WDR4: variants seen among roughly 807,000 people sequenced by gnomAD.
The protein encoded by WDR4 is tRNA (guanine-N(7)-)-methyltransferase non-catalytic subunit WDR4.
A neutral mutation model predicts 48.6 loss-of-function variants in WDR4; 47 were observed. The ratio of observed to expected loss-of-function variants is 0.97; its 90% CI spans 0.77 to 1.23. WDR4 has a LOEUF of 1.23. Among genes scored for constraint, WDR4 ranks in the 50% most tolerant of loss-of-function variants. The pLI, the probability that WDR4 is intolerant of heterozygous loss-of-function variation, is 0.00. For synonymous variants in WDR4, 268 were observed against 230.0 expected, an observed-to-expected ratio of 1.17 and a Z score of -1.49; for missense variants, 606 against 551.6, an observed-to-expected ratio of 1.10 and a Z score of -0.99.
rs1355649869 is a variant in WDR4, at chr21:42,849,709, T to G, written c.*340A>C. ...GCCCACAGATGCTCCTAGAGGAAGA[T>G]GCAGCGGACACGAAGGGCGGTATGA... is the stretch of plus-strand genomic sequence containing the variant. On this transcript the variant is annotated 3_prime_UTR_variant, in exon 11 of 11. Coordinates refer to ENST00000398208, the MANE Select transcript of WDR4 (RefSeq NM_018669.6). The G allele has an allele frequency of 1.3e-5, 3 of 229,992 alleles. No individual in the cohort carries two copies. Among genetic ancestry groups the G allele is most frequent in the Non-Finnish European group, 1.7e-5 (2 of 117,754 alleles). 14.2% of individuals were successfully genotyped at this position (229,992 alleles called of 1,614,324 possible). A position where few individuals can be genotyped will look rare whatever the true frequency, so the allele number is the denominator to read the frequency against.
At position 42,879,396 on chromosome 21, in the gene WDR4, G is replaced by A. The variant is rs755482965; in HGVS notation, c.89+11C>T. ...CCTGGTCTCCCTGTTCCAAGACCAA[G>A]GCCCCCTCACCTGCTTGCTATGGAG... On this transcript the variant is annotated intron_variant, in intron 1 of 10. Transcript: ENST00000398208. The A allele has an allele frequency of 1.2e-6, 2 of 1,612,978 alleles. No homozygotes were observed. Among genetic ancestry groups the A allele is most frequent in the South Asian group, 2.2e-5 (2 of 91,028 alleles).
At chr21:42,869,333 C>T (rs2058317157) in intron 3 of WDR4, among the ~76,000 whole-genome samples, 2 of 152,216 alleles carry the variant, frequency 1.3e-5, no homozygotes, top group African/African-American at 4.8e-5. Flanking sequence ...CATAGCTGAA[C>T]GGGAACCCAC....
chr21:42,852,928 A>AG (rs2057874065), intron 9 of WDR4, among the ~76,000 whole-genome samples: 1 of 151,732 alleles, frequency 6.6e-6, no homozygotes, highest in Non-Finnish European at 1.5e-5. Flanking sequence ...AAAAAAAAAA[A>AG]AAGTGCTTCC....
At chr21:42,848,418 C>T (rs1423224577), downstream of WDR4, among the ~76,000 whole-genome samples, 1 of 140,306 alleles carries the variant, frequency 7.1e-6, no homozygotes, top group Non-Finnish European at 1.5e-5. Flanking sequence ...GCGCACCTCA[C>T]TCACACAGCG....
At position 42,857,980 on chromosome 21, in the gene WDR4, A is replaced by T. The variant is rs555339558; in HGVS notation, c.627+1682T>A. Among the ~76,000 whole-genome samples the T allele has an allele frequency of 3.3e-5, 5 of 152,156 alleles. 1 individual carries two copies. Among genetic ancestry groups the T allele is most frequent in the African/African-American group, 1.2e-4 (5 of 41,530 alleles). ...GTGGTGTGTGCCTGTAATACTAGCTACTCGGGAGGCCTGAGGTGGGAGGAT... is the reference window on the plus strand; with the variant it reads ...GTGGTGTGTGCCTGTAATACTAGCTTCTCGGGAGGCCTGAGGTGGGAGGAT... On this transcript the variant is annotated intron_variant, in intron 6 of 10. Transcript: ENST00000398208.
intron 3 of WDR4, among the ~76,000 whole-genome samples, chr21:42,867,227 C>T (rs2058265509): frequency 6.6e-6 from 1 of 152,068 alleles, no homozygotes; most frequent in African/African-American, 2.4e-5. Flanking sequence ...CCCATCTCTA[C>T]TAAAAATATA....
At chr21:42,854,691 T>A (rs1230866802) in intron 7 of WDR4, 65 bp from the exon 8 acceptor site, 3 of 1,530,880 alleles carry the variant, frequency 2.0e-6, no homozygotes, top group African/African-American at 2.7e-5. Flanking sequence ...GGCGCTCTGA[T>A]CCAACAAGAG....
upstream of WDR4, among the ~76,000 whole-genome samples, chr21:42,881,045 A>G (rs2146127535): frequency 6.6e-6 from 1 of 151,742 alleles, no homozygotes; most frequent in South Asian, 2.1e-4. Context: ...AGCTGGGACT[A>G]CAGGCGCCCG....
intron 1 of WDR4, 46 bp from the exon 2 acceptor site, chr21:42,876,813 G>T: frequency 6.4e-7 from 1 of 1,561,266 alleles, no homozygotes; most frequent in South Asian, 1.2e-5. Flanking sequence ...TCATTAGAGA[G>T]AAATAACAAA....
At chr21:42,891,207 A>G in the WDR4 span, among the ~76,000 whole-genome samples, 8 of 152,174 alleles carry the variant, frequency 5.3e-5, no homozygotes, top group Admixed American at 5.2e-4. Context: ...CTGTAATCCC[A>G]GCTACTGGGG....
the WDR4 span, among the ~76,000 whole-genome samples, chr21:42,891,795 A>G: frequency 6.6e-6 from 1 of 151,968 alleles, no homozygotes; most frequent in Non-Finnish European, 1.5e-5. Context: ...CGTCGCTACT[A>G]AAAATACAAA....
At chr21:42,846,370 G>A (rs1357169931), downstream of WDR4, among the ~76,000 whole-genome samples, 2 of 152,236 alleles carry the variant, frequency 1.3e-5, no homozygotes, top group Non-Finnish European at 2.9e-5. Context: ...GGGAAACTGA[G>A]GTCAGGCCGG....
rs1377576539 is a variant in WDR4, at chr21:42,876,714, T to A, written c.143A>T (p.Gln48Leu). 3.1e-6 allele frequency: 5 copies of A among 1,613,698 alleles called. No individual in the cohort carries two copies. The highest frequency in any genetic ancestry group is 4.2e-6 in the Non-Finnish European group (5 of 1,179,858). ...YDCSAAEKKS[Q>L]ENKGEDAPLD... ...CCCCACATCTCACCCTTTATTTTCT[T>A]GTGACTTCTTTTCTGCAGCACTGCA... The change falls in exon 2 of 11, where the codon CAA becomes CTA. Residue 48 changes from glutamine (Q) to leucine (L), a missense_variant. Coordinates refer to ENST00000398208, the MANE Select transcript of WDR4 (RefSeq NM_018669.6).
intron 6 of WDR4, 117 bp from the exon 7 acceptor site, chr21:42,855,897 C>G (rs1008610121): frequency 1.5e-6 from 1 of 678,428 alleles, no homozygotes; most frequent in African/African-American, 1.8e-5. Context: ...ATGCCACCCA[C>G]CCTCAGGAAT....
At chr21:42,866,192 G>T (rs1601155047) in intron 3 of WDR4, among the ~76,000 whole-genome samples, 1 of 152,108 alleles carries the variant, frequency 6.6e-6, no homozygotes, top group East Asian at 1.9e-4. Context: ...GGAAAACCTG[G>T]CCTCAGTCCC....
intron 3 of WDR4, among the ~76,000 whole-genome samples, chr21:42,865,053 A>G (rs1035691235): frequency 1.3e-5 from 2 of 152,086 alleles, no homozygotes; most frequent in Admixed American, 6.6e-5. Flanking sequence ...TGAGGCCCCT[A>G]TGTTTCTCTC....
chr21:42,866,691 C>A (rs1427880863), intron 3 of WDR4, among the ~76,000 whole-genome samples: 1 of 151,986 alleles, frequency 6.6e-6, no homozygotes, highest in African/African-American at 2.4e-5. Flanking sequence ...ACCCTATGCC[C>A]CTCTCCCTGC....
chr21:42,879,536 G>C lies in WDR4; in HGVS notation c.-41C>G, dbSNP rs775693295. ...ACCGCCATACACATGTGCCAGCCCA[G>C]AGCCTCTTCCTGTCCGCACCGGTCG... On this transcript the variant is annotated 5_prime_UTR_variant, in exon 1 of 11. Coordinates refer to ENST00000398208, the MANE Select transcript of WDR4 (RefSeq NM_018669.6). The C allele has an allele frequency of 6.2e-6, 10 of 1,608,554 alleles. No individual in the cohort carries two copies. The Admixed American group carries it at 1.0e-4, about 16-fold the overall frequency.
At chr21:42,881,096 C>T (rs1260497140), upstream of WDR4, among the ~76,000 whole-genome samples, 6 of 152,134 alleles carry the variant, frequency 3.9e-5, no homozygotes, top group African/African-American at 1.4e-4. Context: ...TCAGTGGAGA[C>T]GGGGTTTCAC....
Sources: allele counts gnomAD v4.1 joint callset (sites outside exome capture counted in the v4.1 genomes callset), GRCh38; gene constraint gnomAD v4.1.1; transcripts MANE v1.5; gene names NCBI Gene and HGNC (gene_info 2026-07-23, HGNC 2026-07-21).